Variants in MACROD2 observed in about 807,000 individuals in gnomAD.
The protein encoded by MACROD2 is mono-ADP ribosylhydrolase 2.
In MACROD2, 36 loss-of-function variants were observed where a neutral mutation model predicts 70.4. That is an observed-to-expected ratio of 0.51 (90% CI 0.39 to 0.68). The LOEUF (loss-of-function observed/expected upper bound fraction) is 0.68, where lower values mean the gene tolerates loss of function less well. MACROD2 is among the 30% of genes least tolerant of loss of function. MACROD2 has a pLI of 0.00. For synonymous variants in MACROD2, 172 were observed against 178.8 expected, an observed-to-expected ratio of 0.96 and a Z score of 0.30; for missense variants, 496 against 538.4, an observed-to-expected ratio of 0.92 and a Z score of 0.78.
chr20:16,011,221 C>T (rs554062989), intron 15 of MACROD2, among the ~76,000 whole-genome samples: 38 of 152,256 alleles, frequency 2.5e-4, no homozygotes, highest in Admixed American at 7.8e-4. Context: ...GTTGACCACG[C>T]GGCACTTCTT....
At chr20:14,079,097 A>AT (rs930887501) in intron 2 of MACROD2, among the ~76,000 whole-genome samples, 11 of 152,232 alleles carry the variant, frequency 7.2e-5, no homozygotes, top group African/African-American at 1.9e-4. Flanking sequence ...AACCACAGAC[A>AT]TTTTAAGTCT....
chr20:14,120,728 G>T (rs998199020), intron 3 of MACROD2, among the ~76,000 whole-genome samples: 1 of 150,570 alleles, frequency 6.6e-6, no homozygotes, highest in Admixed American at 6.6e-5. Flanking sequence ...GAACACCATG[G>T]AATAAAAATG....
intron 7 of MACROD2, among the ~76,000 whole-genome samples, chr20:15,494,730 T>A (rs955499548): frequency 7.3e-6 from 1 of 137,782 alleles, no homozygotes; most frequent in African/African-American, 2.7e-5. Context: ...TTGAGCTGCA[T>A]AATGGGGTGT....
intron 6 of MACROD2, among the ~76,000 whole-genome samples, chr20:15,276,682 T>G (rs2077396458): frequency 6.6e-6 from 1 of 151,966 alleles, no homozygotes; most frequent in Admixed American, 6.6e-5. Context: ...ATAAATCAAA[T>G]ATAATTATCT....
intron 4 of MACROD2, among the ~76,000 whole-genome samples, chr20:14,607,591 G>GA (rs1982886736): frequency 6.6e-6 from 1 of 152,178 alleles, no homozygotes; most frequent in Non-Finnish European, 1.5e-5. Flanking sequence ...ATGTCTTGCA[G>GA]ACCAAGGCAT....
chr20:15,942,261 A>T (rs2065761295), intron 12 of MACROD2, among the ~76,000 whole-genome samples: 1 of 152,174 alleles, frequency 6.6e-6, no homozygotes, highest in South Asian at 2.1e-4. Context: ...CTACACACTG[A>T]TGACACCTGT....
chr20:15,763,171 C>G lies in MACROD2; in HGVS notation c.646-99574C>G, dbSNP rs578049033. On this transcript the variant is annotated intron_variant, in intron 8 of 17. Coordinates refer to ENST00000684519, the MANE Select transcript of MACROD2 (RefSeq NM_001351661.2). ...CTGATACTTAAAGGGACCCTCTGCG[C>G]ACCGCCACTGACATATCTCAGTAAG... Among the ~76,000 whole-genome samples, 157 of 152,298 alleles carry G rather than the reference C, an allele frequency of 1.0e-3. 1 individual carries two copies. The highest frequency in any genetic ancestry group is 3.3e-3 in the African/African-American group (139 of 41,558).
At chr20:14,077,328 CT>C (rs1434364425) in intron 2 of MACROD2, among the ~76,000 whole-genome samples, 1 of 152,056 alleles carries the variant, frequency 6.6e-6, no homozygotes, top group Non-Finnish European at 1.5e-5. Context: ...ATAAAATGTT[CT>C]TCTGAAAGAT....
chr20:15,091,583 T>C (rs2075793510), intron 5 of MACROD2, among the ~76,000 whole-genome samples: 2 of 152,076 alleles, frequency 1.3e-5, no homozygotes, highest in African/African-American at 4.8e-5. Context: ...CCAAACCGCA[T>C]GTTAACTGGA....
chr20:15,169,979 A>G (rs1364303089), intron 5 of MACROD2, among the ~76,000 whole-genome samples: 3 of 152,218 alleles, frequency 2.0e-5, no homozygotes, highest in Admixed American at 2.0e-4. Context: ...AGATCAATCT[A>G]TCTCTCTGTT....
chr20:14,930,379 A>G (rs80055301), intron 5 of MACROD2, among the ~76,000 whole-genome samples: 1 of 152,150 alleles, frequency 6.6e-6, no homozygotes, highest in Non-Finnish European at 1.5e-5. Flanking sequence ...ATAAGGAAAA[A>G]TGGGAAGCAG....
intron 5 of MACROD2, among the ~76,000 whole-genome samples, chr20:15,119,377 G>A (rs1316017737): frequency 6.6e-6 from 1 of 152,074 alleles, no homozygotes; most frequent in Non-Finnish European, 1.5e-5. Flanking sequence ...AACAAGTTAT[G>A]GAGTGTGTAC....
At chr20:14,109,613 G>A (rs2054420776) in intron 3 of MACROD2, among the ~76,000 whole-genome samples, 3 of 151,832 alleles carry the variant, frequency 2.0e-5, no homozygotes, top group African/African-American at 4.8e-5. Flanking sequence ...TAGCTACTAT[G>A]AGCAATAGCA....
At chr20:14,274,336 T>G (rs2082228956) in intron 3 of MACROD2, among the ~76,000 whole-genome samples, 1 of 152,188 alleles carries the variant, frequency 6.6e-6, no homozygotes, top group Admixed American at 6.5e-5. Flanking sequence ...CAAGGCTGGT[T>G]CGATATACGC....
intron 8 of MACROD2, among the ~76,000 whole-genome samples, chr20:15,514,937 C>T (rs2047546898): frequency 6.6e-6 from 1 of 152,170 alleles, no homozygotes; most frequent in African/African-American, 2.4e-5. Context: ...CCTTTCAATG[C>T]TTATGAATCT....
chr20:15,261,255 C>T (rs753799389), intron 6 of MACROD2, among the ~76,000 whole-genome samples: 13 of 151,854 alleles, frequency 8.6e-5, no homozygotes, highest in Non-Finnish European at 1.5e-4. Flanking sequence ...TTGGTGCCCA[C>T]GTCAAACATG....
intron 6 of MACROD2, among the ~76,000 whole-genome samples, chr20:15,346,954 C>T (rs1361134231): frequency 6.6e-6 from 1 of 152,112 alleles, no homozygotes; most frequent in Admixed American, 6.5e-5. Flanking sequence ...GCTTGGGTAG[C>T]TGAGTGCATG....
Position 15,427,515 on chromosome 20 carries a change from A to ATCC in MACROD2, c.541-3889_541-3888insCCT, listed in dbSNP as rs1377387869. Among the ~76,000 whole-genome samples the ATCC allele has an allele frequency of 9.1e-4, 103 of 113,086 alleles. 1 individual carries two copies. Among genetic ancestry groups the ATCC allele is most frequent in the African/African-American group, 3.5e-3 (89 of 25,728 alleles). The allele number at this position is 113,086 out of a possible 152,430, so 74.2% of individuals were successfully genotyped here. ...ACAGAGTTTAGAATGCTAGATGTTT[A>ATCC]TTAAGGAGTGCCCTTAATCAATACC... On this transcript the variant is annotated intron_variant, in intron 6 of 17. Coordinates refer to ENST00000684519, the MANE Select transcript of MACROD2 (RefSeq NM_001351661.2).
intron 15 of MACROD2, among the ~76,000 whole-genome samples, chr20:16,004,804 T>A (rs1330383187): frequency 1.3e-5 from 2 of 152,176 alleles, no homozygotes; most frequent in African/African-American, 4.8e-5. Context: ...CAGTACTCTC[T>A]CTCTTTCTCT....
Sources: gnomAD v4.1 joint callset for allele counts (sites outside exome capture counted in the v4.1 genomes callset) on GRCh38, gnomAD v4.1.1 for gene constraint, MANE v1.5 for transcripts, NCBI Gene and HGNC (gene_info 2026-07-23, HGNC 2026-07-21) for gene names.